Variants in DYNC2H1 observed in about 807,000 individuals in gnomAD.
DYNC2H1 encodes the protein dynein cytoplasmic 2 heavy chain 1, also known as cytoplasmic dynein 2 heavy chain 1.
Under a neutral mutation model 570.0 loss-of-function variants are expected in DYNC2H1, and 410 were observed. The observed-to-expected ratio is 0.72, with a 90% CI of 0.66 to 0.78. DYNC2H1 has a LOEUF of 0.78. Ranked by LOEUF, DYNC2H1 falls within the 30% of genes least tolerant of loss-of-function variation. The pLI is 0.00. For missense variants in DYNC2H1, 4,865 were observed against 5,046.4 expected (o/e 0.96, Z 1.09); for synonymous variants, 1,688 against 1,677.6 (o/e 1.01, Z -0.15).
At chr11:103,259,419 A>G (rs1004532924) in intron 69 of DYNC2H1, among the ~76,000 whole-genome samples, 3 of 152,200 alleles carry the variant, frequency 2.0e-5, no homozygotes, top group African/African-American at 7.2e-5. Context: ...TTACAGCATC[A>G]ATTTCAAAGT....
rs1292838694 is a variant in DYNC2H1 at position 103,204,190 on chromosome 11, T to C, written c.8311+414T>C. 2.0e-5 allele frequency among the ~76,000 whole-genome samples: 3 copies of C among 152,098 alleles called. No homozygotes were observed. The highest frequency in any genetic ancestry group is 2.9e-5 in the Non-Finnish European group (2 of 68,010). ...TGAGAGCCATTCACTATCATGAGAA[T>C]AGCATGGGAAATACCTGCCCCGCTC... On this transcript the variant is annotated intron_variant, in intron 51 of 88. Coordinates refer to ENST00000375735, the MANE Select transcript of DYNC2H1 (RefSeq NM_001377.3). This position sits in a 1 kb window ranked among gnomAD's most constrained non-coding sequence, Gnocchi z 4.1.
At chr11:103,179,309 G>A in intron 39 of DYNC2H1, 76 bp downstream of exon 39, 2 of 1,350,156 alleles carry the variant, frequency 1.5e-6, no homozygotes, top group Non-Finnish European at 1.0e-6. Flanking sequence ...AGTAAAATAA[G>A]TGTAGTGTGA....
chr11:103,124,523 T>G (rs1392126927), intron 11 of DYNC2H1, among the ~76,000 whole-genome samples: 1 of 151,642 alleles, frequency 6.6e-6, no homozygotes, highest in African/African-American at 2.4e-5. Context: ...TAATACCTGT[T>G]GCTGAATTTA....
intron 83 of DYNC2H1, among the ~76,000 whole-genome samples, chr11:103,376,088 T>C (rs1280757142): frequency 7.9e-5 from 12 of 152,216 alleles, no homozygotes; most frequent in Admixed American, 7.9e-4. Context: ...TCATATGATC[T>C]GATGGTTTTA....
At chr11:103,339,620 G>A (rs1037830403) in intron 82 of DYNC2H1, among the ~76,000 whole-genome samples, 9 of 147,774 alleles carry the variant, frequency 6.1e-5, no homozygotes, top group South Asian at 4.3e-4. Context: ...TCTGCACTGC[G>A]TTGCCTGGAG....
chr11:103,335,221 AAAG>A (rs544146245), intron 82 of DYNC2H1, among the ~76,000 whole-genome samples: 2 of 152,100 alleles, frequency 1.3e-5, no homozygotes, highest in African/African-American at 4.8e-5. Context: ...CTTTGAAAAA[AAAG>A]AAGAAATGAG....
chr11:103,310,181 A>G (rs760621697), intron 78 of DYNC2H1, among the ~76,000 whole-genome samples: 5 of 151,974 alleles, frequency 3.3e-5, no homozygotes, highest in Non-Finnish European at 7.4e-5. Context: ...TGCTATACTT[A>G]TGAATTTGCT....
chr11:103,477,023 T>A (rs576538575), intron 88 of DYNC2H1, among the ~76,000 whole-genome samples: 1 of 152,350 alleles, frequency 6.6e-6, no homozygotes, highest in East Asian at 1.9e-4. Context: ...CTCTTTAATA[T>A]GACATCTGAT....
chr11:103,378,132 A>AC (rs1349391414), intron 83 of DYNC2H1, among the ~76,000 whole-genome samples: 1 of 151,766 alleles, frequency 6.6e-6, no homozygotes, highest in Non-Finnish European at 1.5e-5. Context: ...AGGGATAAAA[A>AC]ATTTATGATC....
intron 53 of DYNC2H1, among the ~76,000 whole-genome samples, chr11:103,211,209 T>TC (rs1326940894): frequency 1.3e-5 from 2 of 150,272 alleles, no homozygotes; most frequent in African/African-American, 2.4e-5. Context: ...CGAGGATGTT[T>TC]TTTGGGTTCT....
rs1218245975 is a variant in DYNC2H1 at position 103,333,015 on chromosome 11, AT to A, written c.12039+9026del. 6.3e-5 allele frequency among the ~76,000 whole-genome samples: 9 copies of A among 143,344 alleles called. No individual in the cohort carries two copies. In the East Asian group the frequency reaches 1.7e-3, roughly 27 times the overall value. The allele number at this position is 143,344 out of a possible 152,430, so 94.0% of individuals were successfully genotyped here. A position where few individuals can be genotyped will look rare whatever the true frequency, so the allele number is the denominator to read the frequency against. The stretch of plus-strand genomic sequence containing the variant: ...AAGACTCCAACTCAAAAAAAAAAAA[AT>A]CTTTCTTAAATAAAACAGAATTTAT... On this transcript the variant is annotated intron_variant, in intron 82 of 88. Coordinates refer to ENST00000375735, the MANE Select transcript of DYNC2H1 (RefSeq NM_001377.3).
intron 81 of DYNC2H1, 63 bp downstream of exon 81, chr11:103,321,300 G>A (rs772463790): frequency 2.3e-5 from 31 of 1,375,422 alleles, no homozygotes; most frequent in Non-Finnish European, 2.8e-5. Context: ...TTCTTACATT[G>A]TTAAATACAT....
At chr11:103,348,194 A>C (rs542579062) in intron 82 of DYNC2H1, among the ~76,000 whole-genome samples, 9 of 152,312 alleles carry the variant, frequency 5.9e-5, no homozygotes, top group African/African-American at 2.2e-4. Context: ...CCACCAGAAT[A>C]ACCAGTGTTT....
intron 75 of DYNC2H1, among the ~76,000 whole-genome samples, chr11:103,296,567 CA>C (rs1866835343): frequency 6.6e-6 from 1 of 152,106 alleles, no homozygotes; most frequent in South Asian, 2.1e-4. Context: ...CTTCATTTCC[CA>C]TCAACACATC....
At chr11:103,136,911 T>C (rs1387013077) in intron 17 of DYNC2H1, among the ~76,000 whole-genome samples, 1 of 151,580 alleles carries the variant, frequency 6.6e-6, no homozygotes, top group Non-Finnish European at 1.5e-5. Flanking sequence ...TTTTAATGAT[T>C]GCCATTCTAA....
At chr11:103,149,290 A>T (rs1056381324) in intron 20 of DYNC2H1, among the ~76,000 whole-genome samples, 4 of 152,230 alleles carry the variant, frequency 2.6e-5, no homozygotes, top group Non-Finnish European at 4.4e-5. Flanking sequence ...ACATACATAC[A>T]TAATGGAAGA....
chr11:103,286,339 C>T lies in DYNC2H1; in HGVS notation c.10975C>T (p.Gln3659Ter), dbSNP rs200340319. 1 of 1,613,626 alleles carries T rather than the reference C, an allele frequency of 6.2e-7. No individual in the cohort carries two copies. The highest frequency in any genetic ancestry group is 2.2e-5 in the East Asian group (1 of 44,852). The change falls in exon 74 of 89, where the codon CAA (glutamine) becomes TAA (stop). Residue 3659 changes from glutamine (Q) to a stop codon, truncating the protein, a stop_gained. Transcript: ENST00000375735. LOFTEE classifies it high-confidence loss of function. ...TTATTATAATAATTCAATGTGTGAG[C>T]AAGAGTTTCCATCTATCCTTGCAAA... Reference protein sequence around the residue: ...RTYYNNSMCEQEFPSILAKKV... With the variant: ...RTYYNNSMCE
chr11:103,198,692 A>G (rs565249758), intron 48 of DYNC2H1, among the ~76,000 whole-genome samples: 1 of 152,290 alleles, frequency 6.6e-6, no homozygotes, highest in African/African-American at 2.4e-5. Context: ...CAAAGTTTTG[A>G]AGCGTTGAAA....
chr11:103,437,030 G>A (rs1944088457), intron 85 of DYNC2H1, among the ~76,000 whole-genome samples: 1 of 151,992 alleles, frequency 6.6e-6, no homozygotes, highest in African/African-American at 2.4e-5. Context: ...CTTCAGATAC[G>A]GTTCAGATAC....
Sources: gnomAD v4.1 joint callset for allele counts (sites outside exome capture counted in the v4.1 genomes callset) on GRCh38, gnomAD v4.1.1 for gene constraint, Gnocchi (gnomAD v3.1) non-coding constraint, MANE v1.5 for transcripts, NCBI Gene and HGNC (gene_info 2026-07-23, HGNC 2026-07-21) for gene names.